Variants in CYP4F2 observed in about 807,000 individuals in gnomAD.
CYP4F2 encodes cytochrome P450 family 4 subfamily F member 2, also known as cytochrome P450 4F2.
In CYP4F2, 58 loss-of-function variants were observed where a neutral mutation model predicts 58.9. The ratio of observed to expected loss-of-function variants is 0.98; its 90% CI spans 0.80 to 1.23. The LOEUF is 1.23. CYP4F2 is among the 50% of genes most tolerant of loss of function. The pLI is 0.00. For missense variants in CYP4F2, 616 were observed against 685.6 expected (o/e 0.90, Z 1.13); for synonymous variants, 287 against 261.1 (o/e 1.10, Z -0.95).
In CYP4F2 at chr19:15,878,489, G is replaced by C; in HGVS notation, c.*282C>G. 2.0e-6 allele frequency: 1 copy of C among 501,200 alleles called. No homozygotes were observed. 31.0% of individuals were successfully genotyped at this position (501,200 alleles called of 1,614,324 possible). On this transcript the variant is annotated 3_prime_UTR_variant, in exon 13 of 13. Transcript: ENST00000221700. ...GATCACTGCTTCATTCCTTTTTATG[G>C]CTGTGTAATACTCCATTGTATGGAT...
At chr19:15,882,810 T>C (rs569778270) in intron 9 of CYP4F2, among the ~76,000 whole-genome samples, 2 of 152,224 alleles carry the variant, frequency 1.3e-5, no homozygotes, top group African/African-American at 4.8e-5. Flanking sequence ...GTCTATTTTG[T>C]ATAGTTTTCT....
intron 3 of CYP4F2, among the ~76,000 whole-genome samples, chr19:15,893,166 A>G (rs1229658331): frequency 6.6e-6 from 1 of 152,188 alleles, no homozygotes; most frequent in African/African-American, 2.4e-5. Flanking sequence ...AATGTCACAG[A>G]CATAGCCAAC....
Position 15,879,803 on chromosome 19 carries a change from G to T in CYP4F2, c.1210C>A (p.Gln404Lys). 6.2e-7 allele frequency: 1 copy of T among 1,614,162 alleles called. No individual in the cohort carries two copies. The change falls in exon 10 of 13, where the codon CAG (glutamine) becomes AAG (lysine). Residue 404 changes from glutamine (Q) to lysine (K), a missense_variant. Transcript: ENST00000221700. ...CGGCCGTCTGGGAGCACAATGTCCT[G>T]GGTGACATGGCGGGAGATGACCGGG... ...PVPVISRHVTQDIVLPDGRVI... is the reference protein window; with the variant it reads ...PVPVISRHVTKDIVLPDGRVI...
chr19:15,879,727 C>G (rs1303195249), intron 10 of CYP4F2, 37 bp downstream of exon 10: 2 of 1,613,730 alleles, frequency 1.2e-6, no homozygotes, highest in African/African-American at 2.7e-5. Flanking sequence ...GCCCCTCTTC[C>G]TACCCAGGAG....
chr19:15,887,162 TA>T (rs1230907995), intron 7 of CYP4F2, among the ~76,000 whole-genome samples: 3 of 151,638 alleles, frequency 2.0e-5, no homozygotes, highest in Non-Finnish European at 4.4e-5. Flanking sequence ...CAAATACACA[TA>T]AACATAGACA....
intron 9 of CYP4F2, 68 bp from the exon 10 acceptor site, chr19:15,879,965 T>C (rs1236140271): frequency 1.3e-6 from 2 of 1,587,362 alleles, no homozygotes; most frequent in African/African-American, 1.4e-5. Context: ...CTTCTCTCTG[T>C]TTGCAAGTGA....
Position 15,897,450 on chromosome 19 carries a change from G to T in CYP4F2, c.162C>A (p.Pro54=), listed in dbSNP as rs779711918. 5.0e-6 allele frequency: 8 copies of T among 1,613,912 alleles called. No homozygotes were observed. The highest frequency in any genetic ancestry group is 6.8e-6 in the Non-Finnish European group (8 of 1,179,940). The change falls in exon 2 of 13, where the codon CCC becomes CCA. Residue 54 remains proline (P), a synonymous_variant. Coordinates refer to ENST00000221700, the MANE Select transcript of CYP4F2 (RefSeq NM_001082.5). ...NCRRLRCFPQ[P]PRRNWFWGHQ... ...GTCCCCAAAACCAGTTCCGTCTTGG[G>T]GGTTGTGGGAAACACCGAAGGCGGC...
chr19:15,882,205 AC>A (rs767639426), intron 9 of CYP4F2, among the ~76,000 whole-genome samples: 5 of 151,974 alleles, frequency 3.3e-5, no homozygotes, highest in Non-Finnish European at 7.4e-5. Context: ...AGATCGTGCC[AC>A]TGCACTCCAG....
Position 15,890,406 on chromosome 19 carries a change from C to T in CYP4F2, c.553G>A (p.Gly185Ser), listed in dbSNP as rs1187041254. The T allele has an allele frequency of 6.2e-7, 1 of 1,614,048 alleles. No individual in the cohort carries two copies. The highest frequency in any genetic ancestry group is 1.3e-5 in the African/African-American group (1 of 75,044). Residue 185 changes from glycine (G) to serine (S), a missense_variant, in exon 6 of 13, where the codon GGT becomes AGT. Transcript: ENST00000221700. ...HAKWQLLASE[G>S]SACLDMFEHI... is the part of the protein sequence containing the mutation. Reference sequence around the variant, plus strand: ...TCAAACATATCCAAACAGGCACTACCCTCTGAGGCCAGGAGCTGCCACTTG... The same window carrying T: ...TCAAACATATCCAAACAGGCACTACTCTCTGAGGCCAGGAGCTGCCACTTG...
At chr19:15,897,287 G>A in intron 2 of CYP4F2, 127 bp downstream of exon 2, 1 of 999,124 alleles carries the variant, frequency 1.0e-6, no homozygotes. Context: ...GAATGAGTAA[G>A]ATGCCTCCTC....
Position 15,890,407 on chromosome 19 carries a change from C to G in CYP4F2, c.552G>C (p.Glu184Asp). ...MHAKWQLLAS[E>D]GSACLDMFEH... is the part of the protein sequence containing the mutation. ...CAAACATATCCAAACAGGCACTACC[C>G]TCTGAGGCCAGGAGCTGCCACTTGG... The change falls in exon 6 of 13, where the codon GAG (glutamate) becomes GAC (aspartate). Residue 184 changes from glutamate (E) to aspartate (D), a missense_variant. Coordinates refer to ENST00000221700, the MANE Select transcript of CYP4F2 (RefSeq NM_001082.5). 6.2e-7 allele frequency: 1 copy of G among 1,614,088 alleles called. No individual in the cohort carries two copies. Among genetic ancestry groups the G allele is most frequent in the Non-Finnish European group, 8.5e-7 (1 of 1,179,990 alleles).
chr19:15,879,988 C>T (rs770331189), intron 9 of CYP4F2, 91 bp from the exon 10 acceptor site: 21 of 1,572,016 alleles, frequency 1.3e-5, no homozygotes, highest in Non-Finnish European at 1.7e-5. Context: ...CCTTTTCTCC[C>T]CGCAATAAAA....
intron 2 of CYP4F2, among the ~76,000 whole-genome samples, chr19:15,896,065 TATCTATCC>T (rs112559375): frequency 0.013 from 1,645 of 128,030 alleles, 28 homozygotes; most frequent in African/African-American, 0.045. Flanking sequence ...TTTGTCTATC[TATCTATCC>T]ATCCATCCAT....
intron 5 of CYP4F2, 80 bp from the exon 6 acceptor site, chr19:15,890,513 C>A: frequency 1.3e-6 from 2 of 1,578,538 alleles, no homozygotes; most frequent in South Asian, 2.3e-5. Flanking sequence ...CCAAGATGGG[C>A]TCCCCAGAAT....
intron 2 of CYP4F2, 90 bp downstream of exon 2, chr19:15,897,324 C>T: frequency 8.8e-7 from 1 of 1,142,232 alleles, no homozygotes; most frequent in African/African-American, 1.6e-5. Flanking sequence ...CAGATCCCAG[C>T]CCACCCCTTC....
intron 3 of CYP4F2, among the ~76,000 whole-genome samples, chr19:15,894,130 A>G (rs993526296): frequency 2.0e-5 from 3 of 152,006 alleles, no homozygotes; most frequent in African/African-American, 7.3e-5. Flanking sequence ...CATTCATCCC[A>G]TTTTCCAGAT....
At position 15,897,445 on chromosome 19, in the gene CYP4F2, C is replaced by T; in HGVS notation, c.167G>A (p.Arg56Lys). ...CTGGTGTCCCCAAAACCAGTTCCGTCTTGGGGGTTGTGGGAAACACCGAAG... is the reference window on the plus strand; with the variant it reads ...CTGGTGTCCCCAAAACCAGTTCCGTTTTGGGGGTTGTGGGAAACACCGAAG... ...RRLRCFPQPP[R>K]RNWFWGHQGM... Residue 56 changes from arginine (R) to lysine (K), a missense_variant, in exon 2 of 13, where the codon AGA (arginine) becomes AAA (lysine). By Grantham distance (26) the Arg-to-Lys change is conservative (BLOSUM62 2). Coordinates refer to ENST00000221700, the MANE Select transcript of CYP4F2 (RefSeq NM_001082.5). The T allele has an allele frequency of 6.2e-7, 1 of 1,613,908 alleles. No homozygotes were observed. Among genetic ancestry groups the T allele is most frequent in the South Asian group, 1.1e-5 (1 of 91,066 alleles).
intron 9 of CYP4F2, among the ~76,000 whole-genome samples, chr19:15,885,687 C>T (rs3093163): frequency 0.028 from 4,286 of 152,084 alleles, 189 homozygotes; most frequent in African/African-American, 0.098. Context: ...GTGGCGTTAT[C>T]TGTCCTCACA....
intron 6 of CYP4F2, among the ~76,000 whole-genome samples, chr19:15,889,959 C>G (rs1431444407): frequency 2.0e-5 from 3 of 152,196 alleles, no homozygotes; most frequent in Non-Finnish European, 4.4e-5. Flanking sequence ...CTCTTTCCCT[C>G]CCAGTATACA....
Sources: allele counts gnomAD v4.1 joint callset (sites outside exome capture counted in the v4.1 genomes callset), GRCh38; gene constraint gnomAD v4.1.1; transcripts MANE v1.5; gene names NCBI Gene and HGNC (gene_info 2026-07-23, HGNC 2026-07-21).